GPC5: variants seen among roughly 807,000 people sequenced by gnomAD.
GPC5 encodes the protein glypican-5.
In GPC5, 47 loss-of-function variants were observed where a neutral mutation model predicts 53.9. The ratio of observed to expected loss-of-function variants is 0.87; its 90% CI spans 0.69 to 1.11. The LOEUF (loss-of-function observed/expected upper bound fraction) is 1.11, where lower values mean the gene tolerates loss of function less well. Among genes scored for constraint, GPC5 ranks in the 50% most tolerant of loss-of-function variants. The probability of loss-of-function intolerance (pLI) is 0.00; values close to 1 mark genes in which losing one functional copy is unlikely to be tolerated. For missense variants in GPC5, 748 were observed against 713.1 expected (o/e 1.05, Z -0.56); for synonymous variants, 286 against 263.3 (o/e 1.09, Z -0.84).
At chr13:91,506,787 T>C in intron 2 of GPC5, among the ~76,000 whole-genome samples, 1 of 152,312 alleles carries the variant, frequency 6.6e-6, no homozygotes, top group African/African-American at 2.4e-5. Context: ...TATGGATGAC[T>C]TTGATTTATA....
intron 6 of GPC5, among the ~76,000 whole-genome samples, chr13:91,973,260 G>A (rs1212826321): frequency 6.6e-6 from 1 of 151,886 alleles, no homozygotes. Flanking sequence ...TGATCTCATT[G>A]GCTCCTGAGG....
intron 1 of GPC5, among the ~76,000 whole-genome samples, chr13:91,440,191 CTCT>C (rs1880317397): frequency 6.6e-6 from 1 of 152,158 alleles, no homozygotes; most frequent in Non-Finnish European, 1.5e-5. Context: ...CCTGTTTTCT[CTCT>C]TCTTGCCTCT....
chr13:92,834,198 A>G (rs1205476912), intron 7 of GPC5, among the ~76,000 whole-genome samples: 3 of 152,210 alleles, frequency 2.0e-5, no homozygotes, highest in Non-Finnish European at 4.4e-5. Context: ...CACTTTGTCT[A>G]TTAACACAAT....
intron 6 of GPC5, among the ~76,000 whole-genome samples, chr13:91,937,915 C>T (rs996400857): frequency 2.0e-5 from 3 of 151,996 alleles, no homozygotes; most frequent in Non-Finnish European, 4.4e-5. Flanking sequence ...ACCTGACCCC[C>T]TTATATTGGT....
At chr13:91,751,812 T>C (rs1383405882) in intron 4 of GPC5, among the ~76,000 whole-genome samples, 3 of 152,226 alleles carry the variant, frequency 2.0e-5, no homozygotes, top group Non-Finnish European at 4.4e-5. Context: ...ATTTTTCTTT[T>C]TTGGAATCTC....
intron 4 of GPC5, among the ~76,000 whole-genome samples, chr13:91,729,384 A>C (rs977711556): frequency 6.6e-6 from 1 of 152,150 alleles, no homozygotes; most frequent in Non-Finnish European, 1.5e-5. Context: ...TTGACCAGTC[A>C]GTGTATGTCC....
intron 7 of GPC5, among the ~76,000 whole-genome samples, chr13:92,297,053 G>A (rs950842885): frequency 2.0e-5 from 3 of 152,246 alleles, no homozygotes; most frequent in African/African-American, 4.8e-5. Context: ...GAATGCAAGC[G>A]CATGGCGCAG....
At chr13:92,257,545 G>GTTTTTTTTTTTTT (rs1566507028) in intron 7 of GPC5, among the ~76,000 whole-genome samples, 1 of 50,054 alleles carries the variant, frequency 2.0e-5, no homozygotes. Context: ...CTAATACAGG[G>GTTTTTTTTTTTTT]ATTTTTTTTT....
intron 7 of GPC5, among the ~76,000 whole-genome samples, chr13:92,778,160 T>C (rs756362447): frequency 3.8e-4 from 58 of 152,218 alleles, no homozygotes; most frequent in Admixed American, 1.4e-3. Context: ...TTTTCACAAA[T>C]GTTTTGTTCA....
intron 6 of GPC5, among the ~76,000 whole-genome samples, chr13:92,001,414 G>C (rs1315239643): frequency 6.6e-6 from 1 of 152,048 alleles, no homozygotes. Flanking sequence ...AGATTACAGA[G>C]ATATATCAAG....
chr13:91,439,707 C>G (rs1459435400), intron 1 of GPC5, among the ~76,000 whole-genome samples: 1 of 152,160 alleles, frequency 6.6e-6, no homozygotes, highest in East Asian at 1.9e-4. Flanking sequence ...TCCCCTCTCT[C>G]TATCATCTGC....
intron 7 of GPC5, among the ~76,000 whole-genome samples, chr13:92,332,332 C>G (rs2043293540): frequency 6.6e-6 from 1 of 152,112 alleles, no homozygotes; most frequent in Non-Finnish European, 1.5e-5. Flanking sequence ...TAATGTTTTT[C>G]TGTTCTCTGT....
At chr13:91,574,355 T>A (rs9589297) in intron 2 of GPC5, among the ~76,000 whole-genome samples, 2 of 151,922 alleles carry the variant, frequency 1.3e-5, no homozygotes, top group South Asian at 4.2e-4. Flanking sequence ...ACTTTGTAAT[T>A]CCAAGAGTCC....
At chr13:91,964,270 C>T (rs942379935) in intron 6 of GPC5, among the ~76,000 whole-genome samples, 1 of 152,164 alleles carries the variant, frequency 6.6e-6, no homozygotes, top group African/African-American at 2.4e-5. Context: ...AGAACAAAGC[C>T]TCCAAAGGGT....
At chr13:91,552,696 T>G (rs776845737) in intron 2 of GPC5, among the ~76,000 whole-genome samples, 4 of 152,120 alleles carry the variant, frequency 2.6e-5, no homozygotes, top group Non-Finnish European at 5.9e-5. Flanking sequence ...AGAATGCCTT[T>G]AAGGGGTTTT....
intron 7 of GPC5, among the ~76,000 whole-genome samples, chr13:92,350,747 CGTT>C (rs1284279897): frequency 5.3e-5 from 8 of 152,066 alleles, no homozygotes; most frequent in African/African-American, 1.9e-4. Flanking sequence ...TTTTATTACA[CGTT>C]GTATATATAA....
At chr13:91,452,353 A>G (rs576564177) in intron 2 of GPC5, among the ~76,000 whole-genome samples, 4 of 152,256 alleles carry the variant, frequency 2.6e-5, no homozygotes, top group East Asian at 3.9e-4. Context: ...GCAATCATCC[A>G]TGAAGTATTT....
chr13:91,427,330 G>C (rs1308381395), intron 1 of GPC5, among the ~76,000 whole-genome samples: 1 of 152,232 alleles, frequency 6.6e-6, no homozygotes, highest in Admixed American at 6.5e-5. Flanking sequence ...ACCCTGTGAA[G>C]CCACAGGGAC....
chr13:91,892,603 A>G (rs952540666), intron 5 of GPC5, among the ~76,000 whole-genome samples: 13 of 151,726 alleles, frequency 8.6e-5, no homozygotes, highest in African/African-American at 3.1e-4. Flanking sequence ...ACTCTGTTAC[A>G]AATTAGTATT....
Sources: allele counts gnomAD v4.1 joint callset (sites outside exome capture counted in the v4.1 genomes callset), GRCh38; gene constraint gnomAD v4.1.1; transcripts MANE v1.5; gene names NCBI Gene and HGNC (gene_info 2026-07-23, HGNC 2026-07-21).